TASOR2: variants seen among roughly 807,000 people sequenced by gnomAD.
TASOR2 encodes the protein transcription activation suppressor family member 2, also known as protein TASOR 2.
Under a neutral mutation model 199.5 loss-of-function variants are expected in TASOR2, and 84 were observed. That is an observed-to-expected ratio of 0.42 (90% CI 0.35 to 0.50). The LOEUF is 0.50. Among genes scored for constraint, TASOR2 ranks in the 20% least tolerant of loss-of-function variants. The pLI is 0.02. For missense variants in TASOR2, 2,796 were observed against 2,835.9 expected (o/e 0.99, Z 0.32); for synonymous variants, 1,103 against 1,046.6 (o/e 1.05, Z -1.04).
intron 10 of TASOR2, among the ~76,000 whole-genome samples, chr10:5,728,213 CCT>C (rs1483294359): frequency 1.1e-5 from 1 of 87,860 alleles, no homozygotes; most frequent in Non-Finnish European, 2.3e-5. Context: ...AGAGTGAGAC[CCT>C]GTTTCAAAAA....
chr10:5,732,951 C>CT (rs1835034323), intron 11 of TASOR2, among the ~76,000 whole-genome samples: 1 of 152,144 alleles, frequency 6.6e-6, no homozygotes, highest in Non-Finnish European at 1.5e-5. Context: ...TAGTATAAAG[C>CT]AGTGCACCAG....
rs1016522679 is a variant in TASOR2 at position 5,752,420 on chromosome 10, G to A, written c.6606+2393G>A. ...CCGCGTGCAAAACTGGACGTGCCGT[G>A]TGTCGGTTCCACACATGAGGGGCCT... On this transcript the variant is annotated intron_variant, in intron 15 of 20. Coordinates refer to ENST00000328090, the Ensembl canonical transcript of TASOR2. This position sits in a 1 kb window ranked among gnomAD's most constrained non-coding sequence, Gnocchi z 4.4. Among the ~76,000 whole-genome samples the A allele has an allele frequency of 6.6e-6, 1 of 152,176 alleles. No individual in the cohort carries two copies. The highest frequency in any genetic ancestry group is 1.5e-5 in the Non-Finnish European group (1 of 68,022).
At chr10:5,711,989 G>A (rs551192039) in intron 1 of TASOR2, among the ~76,000 whole-genome samples, 11 of 151,274 alleles carry the variant, frequency 7.3e-5, no homozygotes, top group Admixed American at 1.3e-4. Context: ...CAAGTGTGGC[G>A]TATATATTTA....
intron 1 of TASOR2, among the ~76,000 whole-genome samples, chr10:5,711,804 G>A (rs1831947723): frequency 6.6e-6 from 1 of 151,988 alleles, no homozygotes; most frequent in South Asian, 2.1e-4. Context: ...GAAAGAAAGT[G>A]ATTTTATAAT....
Position 5,699,789 on chromosome 10 carries a change from TAGAC to T in TASOR2, c.-287-13031_-287-13028del, listed in dbSNP as rs372179345. ...TAATGCAAAGAAAGAAAACAAAAGA[TAGAC>T]AGGAGAAAAATGAGTAAAACAGGTA... On this transcript the variant is annotated intron_variant, in intron 1 of 20. Transcript: ENST00000328090. The surrounding 1 kb of genome is among the most constrained non-coding windows in gnomAD (Gnocchi z 4.1). The T allele has an allele frequency of 1.4e-4, 127 of 887,328 alleles. No individual in the cohort carries two copies. In the East Asian group the frequency reaches 1.9e-3, roughly 13 times the overall value. The allele number at this position is 887,328 out of a possible 1,614,324, so 55.0% of individuals were successfully genotyped here. A position where few individuals can be genotyped will look rare whatever the true frequency, so the allele number is the denominator to read the frequency against.
At chr10:5,732,091 G>A (rs1321095537) in intron 11 of TASOR2, among the ~76,000 whole-genome samples, 1 of 152,248 alleles carries the variant, frequency 6.6e-6, no homozygotes, top group African/African-American at 2.4e-5. Context: ...ATTGGCAGAT[G>A]TATTTCAGTG....
chr10:5,755,109 A>G (rs1473284270), intron 15 of TASOR2, among the ~76,000 whole-genome samples: 1 of 151,750 alleles, frequency 6.6e-6, no homozygotes, highest in Non-Finnish European at 1.5e-5. Flanking sequence ...AGACCACCAC[A>G]GGATTTGATG....
In TASOR2 at chr10:5,699,231, C is replaced by T. The variant is rs949742552; in HGVS notation, c.-287-13592C>T. Among the ~76,000 whole-genome samples the T allele has an allele frequency of 2.0e-5, 3 of 152,024 alleles. No individual in the cohort carries two copies. The highest frequency in any genetic ancestry group is 1.3e-4 in the Admixed American group (2 of 15,250). ...GAAAGAAGCCAATCATGAAGGACCG[C>T]GTGCTGTATGACTCTGTTTATAGGA... On this transcript the variant is annotated intron_variant, in intron 1 of 20. Transcript: ENST00000328090. This position sits in a 1 kb window ranked among gnomAD's most constrained non-coding sequence, Gnocchi z 4.1.
rs1483369235 is a variant in TASOR2, at chr10:5,699,038, T to C, written c.-287-13785T>C. Among the ~76,000 whole-genome samples the C allele has an allele frequency of 6.6e-6, 1 of 152,196 alleles. No homozygotes were observed. The highest frequency in any genetic ancestry group is 1.5e-5 in the Non-Finnish European group (1 of 68,022). On this transcript the variant is annotated intron_variant, in intron 1 of 20. Coordinates refer to ENST00000328090, the Ensembl canonical transcript of TASOR2. The surrounding 1 kb of genome is among the most constrained non-coding windows in gnomAD (Gnocchi z 4.1). ...ATAAAAACTTATACATGAATGCTCA[T>C]AGCATAATTATTCATAATAGCCAAA...
intron 3 of TASOR2, among the ~76,000 whole-genome samples, chr10:5,718,154 T>C (rs1337609390): frequency 6.6e-6 from 1 of 152,154 alleles, no homozygotes; most frequent in Non-Finnish European, 1.5e-5. Context: ...GACATCCAGC[T>C]TCACAGCTTC....
chr10:5,717,711 T>C lies in TASOR2; in HGVS notation c.-139T>C. The C allele has an allele frequency of 8.2e-7, 1 of 1,224,980 alleles. No homozygotes were observed. Among genetic ancestry groups the C allele is most frequent in the Non-Finnish European group, 1.0e-6 (1 of 981,502 alleles). 75.9% of individuals were successfully genotyped at this position (1,224,980 alleles called of 1,614,324 possible). A position where few individuals can be genotyped will look rare whatever the true frequency, so the allele number is the denominator to read the frequency against. On this transcript the variant is annotated 5_prime_UTR_variant, in exon 3 of 21. An upstream start codon of the reference 5' UTR is lost. Transcript: ENST00000328090. ...GTCTTCATTCAAGACCATGGTATCA[T>C]GGGAAATCTGGTTATGTTGTAATTT...
chr10:5,743,770 C>G (rs1385167390), intron 14 of TASOR2: 3 of 152,172 alleles, frequency 2.0e-5, no homozygotes, highest in Non-Finnish European at 4.4e-5. Flanking sequence ...ATCATCAGTA[C>G]TAATTTTAGC....
At chr10:5,729,208 G>A (rs1306370083) in intron 10 of TASOR2, among the ~76,000 whole-genome samples, 3 of 152,104 alleles carry the variant, frequency 2.0e-5, no homozygotes, top group East Asian at 1.9e-4. Context: ...AATTAGTTAG[G>A]TGTGGTGGCA....
rs1314286825 is a variant in TASOR2, at chr10:5,710,067, C to T, written c.-287-2756C>T. Among the ~76,000 whole-genome samples the T allele has an allele frequency of 6.6e-6, 1 of 152,118 alleles. No homozygotes were observed. The highest frequency in any genetic ancestry group is 1.5e-5 in the Non-Finnish European group (1 of 67,988). On this transcript the variant is annotated intron_variant, in intron 1 of 20. Coordinates refer to ENST00000328090, the Ensembl canonical transcript of TASOR2. The surrounding 1 kb of genome is among the most constrained non-coding windows in gnomAD (Gnocchi z 4.6). ...ATGTTTAAATAAAGCTTGAGCATTG[C>T]TCAGCAGTTATGAGACCATTCATTC... is the stretch of plus-strand genomic sequence containing the variant.
chr10:5,749,130 GAAA>G (rs753790468), exon 15 of TASOR2: 1 of 1,614,046 alleles, frequency 6.2e-7, no homozygotes, highest in South Asian at 1.1e-5. Context: ...CTGCGGTAAA[GAAA>G]GAAGAGAAGT....
At position 5,742,863 on chromosome 10, in the gene TASOR2, ATTGT is replaced by A; in HGVS notation, c.2757+340_2757+343del. Among the ~76,000 whole-genome samples the A allele has an allele frequency of 6.6e-6, 1 of 152,332 alleles. No individual in the cohort carries two copies. Among genetic ancestry groups the A allele is most frequent in the Middle Eastern group, 3.4e-3 (1 of 294 alleles). ...ATACCTATCAAGTCTTATGTAGAAT[ATTGT>A]TTAAGGATCAAATATAGCAATAATA... On this transcript the variant is annotated intron_variant, in intron 14 of 20. Coordinates refer to ENST00000328090, the Ensembl canonical transcript of TASOR2. This position sits in a 1 kb window ranked among gnomAD's most constrained non-coding sequence, Gnocchi z 4.2.
Position 5,720,313 on chromosome 10 carries a change from T to C in TASOR2, c.-99-231T>C. On this transcript the variant is annotated intron_variant, in intron 3 of 20. Transcript: ENST00000328090. The surrounding 1 kb of genome is among the most constrained non-coding windows in gnomAD (Gnocchi z 5.3). ...ATACAACTAACTATACTAAGCCATC[T>C]TCTGGCTATGATTGCCACGTGTCTG... 5.1e-6 allele frequency: 5 copies of C among 985,310 alleles called. No homozygotes were observed. The highest frequency in any genetic ancestry group is 6.0e-6 in the Non-Finnish European group (5 of 829,796). The allele number at this position is 985,310 out of a possible 1,614,324, so 61.0% of individuals were successfully genotyped here. A position where few individuals can be genotyped will look rare whatever the true frequency, so the allele number is the denominator to read the frequency against.
At chr10:5,760,306 T>C (rs995540623) in intron 18 of TASOR2, among the ~76,000 whole-genome samples, 1 of 152,224 alleles carries the variant, frequency 6.6e-6, no homozygotes, top group African/African-American at 2.4e-5. Context: ...GAAACATCAT[T>C]ATGTGGTACA....
At chr10:5,723,153 G>A (rs1191372556) in intron 6 of TASOR2, among the ~76,000 whole-genome samples, 1 of 126,274 alleles carries the variant, frequency 7.9e-6, no homozygotes, top group Non-Finnish European at 1.6e-5. Flanking sequence ...CTGGGTTCAC[G>A]CCATTCTCCT....
Sources: allele counts gnomAD v4.1 joint callset (sites outside exome capture counted in the v4.1 genomes callset), GRCh38; gene constraint gnomAD v4.1.1; non-coding constraint Gnocchi (gnomAD v3.1); transcripts MANE v1.5; gene names NCBI Gene and HGNC (gene_info 2026-07-23, HGNC 2026-07-21).